Variants in ACTG1 observed in about 807,000 individuals in gnomAD.
ACTG1 encodes actin, cytoplasmic 2.
A neutral mutation model predicts 34.3 loss-of-function variants in ACTG1; 14 were observed. The ratio of observed to expected loss-of-function variants is 0.41; its 90% CI spans 0.27 to 0.64. ACTG1 has a LOEUF of 0.64. ACTG1 is among the 30% of genes least tolerant of loss of function. The pLI is 0.33. For missense variants in ACTG1, 233 were observed against 529.5 expected (o/e 0.44, Z 5.50); for synonymous variants, 422 against 213.9 (o/e 1.97, Z -8.49).
Position 81,510,441 on chromosome 17 carries a change from T to A in ACTG1, c.*249A>T. 1.6e-6 allele frequency: 1 copy of A among 631,246 alleles called. No individual in the cohort carries two copies. The highest frequency in any genetic ancestry group is 1.6e-5 in the South Asian group (1 of 64,148). The allele number at this position is 631,246 out of a possible 1,614,324, so 39.1% of individuals were successfully genotyped here. The stretch of plus-strand genomic sequence containing the variant: ...GTGACCAAGCCACACGTACTAAAGG[T>A]TGAACTCAAAGATATGTACAGGGTA... On this transcript the variant is annotated 3_prime_UTR_variant, in exon 6 of 6. Coordinates refer to ENST00000573283, the MANE Select transcript of ACTG1 (RefSeq NM_001614.5).
At chr17:81,511,138 C>T in intron 4 of ACTG1, 30 bp from the exon 5 acceptor site, 1 of 1,613,852 alleles carries the variant, frequency 6.2e-7, no homozygotes, top group Non-Finnish European at 8.5e-7. Context: ...CTTAGTGATG[C>T]TGTGTCACCG....
rs200210656 is a variant in ACTG1 at position 81,512,129 on chromosome 17, C to A, written c.137G>T (p.Gly46Val). The stretch of plus-strand genomic sequence containing the variant: ...CACGTAGGAGTCCTTCTGGCCCATG[C>A]CCACCATGACGCCCTGCAGGGGACG... ...GRPRHQGVMVGMGQKDSYVGD... is the reference protein window; with the variant it reads ...GRPRHQGVMVVMGQKDSYVGD... Residue 46 changes from glycine to valine, a missense_variant, in exon 3 of 6, where the codon GGC becomes GTC. Coordinates refer to ENST00000573283, the MANE Select transcript of ACTG1 (RefSeq NM_001614.5). 1 of 1,613,682 alleles carries A rather than the reference C, an allele frequency of 6.2e-7. No individual in the cohort carries two copies.
intron 1 of ACTG1, 122 bp from the exon 2 acceptor site, chr17:81,512,482 C>G (rs1048961610): frequency 4.6e-6 from 7 of 1,527,420 alleles, no homozygotes; most frequent in South Asian, 1.1e-5. Context: ...CCGTGGCCTC[C>G]AAGATCGCAA....
Position 81,510,197 on chromosome 17 carries a change from A to G in ACTG1, c.*493T>C. 1 of 538,630 alleles carries G rather than the reference A, an allele frequency of 1.9e-6. No individual in the cohort carries two copies. The highest frequency in any genetic ancestry group is 3.3e-6 in the Non-Finnish European group (1 of 303,734). The allele number at this position is 538,630 out of a possible 1,614,324, so 33.4% of individuals were successfully genotyped here. On this transcript the variant is annotated 3_prime_UTR_variant, in exon 6 of 6. Coordinates refer to ENST00000573283, the MANE Select transcript of ACTG1 (RefSeq NM_001614.5). Reference sequence around the variant, plus strand: ...ACAGCCCACGGTGTTCTGGCCAAAGACATCAGCTAAGAAAGGAAACTGGGT... The same window carrying G: ...ACAGCCCACGGTGTTCTGGCCAAAGGCATCAGCTAAGAAAGGAAACTGGGT...
Position 81,510,061 on chromosome 17 carries a change from T to C in ACTG1, c.*629A>G, listed in dbSNP as rs2031653388. The stretch of plus-strand genomic sequence containing the variant: ...CATAACAGTAGAAAACCAAAATTTG[T>C]TGTCATCTCTTCAAAGAATCGAGAA... On this transcript the variant is annotated 3_prime_UTR_variant, in exon 6 of 6. Transcript: ENST00000573283. 3 of 453,080 alleles carry C rather than the reference T, an allele frequency of 6.6e-6. No homozygotes were observed. The highest frequency in any genetic ancestry group is 4.7e-5 in the South Asian group (3 of 63,812). The allele number at this position is 453,080 out of a possible 1,614,324, so 28.1% of individuals were successfully genotyped here.
chr17:81,511,860 T>A (rs1340163425), intron 3 of ACTG1, 43 bp downstream of exon 3: 2 of 1,611,722 alleles, frequency 1.2e-6, no homozygotes, highest in African/African-American at 1.3e-5. Flanking sequence ...AGAAAATGAC[T>A]GGGGAAAGGA....
chr17:81,511,864 G>T (rs552858239), intron 3 of ACTG1, 39 bp downstream of exon 3: 31 of 1,612,612 alleles, frequency 1.9e-5, no homozygotes, highest in Non-Finnish European at 2.4e-5. Flanking sequence ...AATGACTGGG[G>T]AAAGGACGGG....
At position 81,511,525 on chromosome 17, in the gene ACTG1, A is replaced by G. The variant is rs11549227; in HGVS notation, c.465T>C (p.Ser155=). ...GCACCGTGTGGGTGACCCCGTCTCC[A>G]GAGTCCATGACAATGCCAGTGGTGC... ...SGRTTGIVMD[S]GDGVTHTVPI... Residue 155 remains serine (S), a synonymous_variant, in exon 4 of 6, where the codon TCT becomes TCC. Coordinates refer to ENST00000573283, the MANE Select transcript of ACTG1 (RefSeq NM_001614.5). 1 of 1,613,894 alleles carries G rather than the reference A, an allele frequency of 6.2e-7. No homozygotes were observed. Among genetic ancestry groups the G allele is most frequent in the Non-Finnish European group, 8.5e-7 (1 of 1,180,034 alleles).
Position 81,512,270 on chromosome 17 carries a change from C to A in ACTG1, c.85G>T (p.Ala29Ser), listed in dbSNP as rs782108009. 1 of 1,613,846 alleles carries A rather than the reference C, an allele frequency of 6.2e-7. No homozygotes were observed. Among genetic ancestry groups the A allele is most frequent in the Non-Finnish European group, 8.5e-7 (1 of 1,179,968 alleles). ...CGCCCGACGATGGAAGGAAACACGG[C>A]TCGGGGAGCGTCGTCCCCAGCAAAA... The part of the protein sequence containing the change: ...AGFAGDDAPR[A>S]VFPSIVGRPR... The change falls in exon 2 of 6, where the codon GCC becomes TCC. Residue 29 changes from alanine to serine, a missense_variant. Transcript: ENST00000573283.
At chr17:81,512,186 A>G (rs1555667168) in intron 2 of ACTG1, 44 bp from the exon 3 acceptor site, 3 of 1,612,540 alleles carry the variant, frequency 1.9e-6, no homozygotes, top group Admixed American at 1.7e-5. Flanking sequence ...CACCGAACCC[A>G]CCCCGCAACG....
At chr17:81,511,660 C>A in intron 3 of ACTG1, 34 bp from the exon 4 acceptor site, 1 of 1,600,876 alleles carries the variant, frequency 6.2e-7, no homozygotes, top group South Asian at 1.1e-5. Flanking sequence ...TAGTCAGGGA[C>A]AGAGACCCAC....
Position 81,512,013 on chromosome 17 carries a change from T to C in ACTG1, c.253A>G (p.Ile85Val). ...TCGTTGTAGAAGGTGTGGTGCCAGA[T>C]CTTCTCCATGTCGTCCCAGTTGGTG... Reference protein sequence around the residue: ...IVTNWDDMEKIWHHTFYNELR... With the variant: ...IVTNWDDMEKVWHHTFYNELR... Residue 85 changes from isoleucine to valine, a missense_variant, in exon 3 of 6, where the codon ATC (isoleucine) becomes GTC (valine). By Grantham distance (29) the Ile-to-Val change is conservative (BLOSUM62 3). Coordinates refer to ENST00000573283, the MANE Select transcript of ACTG1 (RefSeq NM_001614.5). 4.3e-6 allele frequency: 7 copies of C among 1,614,016 alleles called. No homozygotes were observed. Among genetic ancestry groups the C allele is most frequent in the Non-Finnish European group, 5.9e-6 (7 of 1,180,030 alleles).
chr17:81,511,163 G>GA (rs2031742544), intron 4 of ACTG1, 25 bp downstream of exon 4: 1 of 1,613,744 alleles, frequency 6.2e-7, no homozygotes, highest in East Asian at 2.2e-5. Context: ...TGTAAGAGTA[G>GA]AAACCTTTAG....
rs1555666470 is a variant in ACTG1, at chr17:81,510,956, C to T, written c.955G>A (p.Ala319Thr). ...IADRMQKEIT[A>T]LAPSTMKIKI... ...ATCTTCATGGTGCTGGGCGCCAGGGCGGTGATCTCCTTCTGCATCCTGTCG... is the reference window on the plus strand; with the variant it reads ...ATCTTCATGGTGCTGGGCGCCAGGGTGGTGATCTCCTTCTGCATCCTGTCG... Residue 319 changes from alanine (A) to threonine (T), a missense_variant, in exon 5 of 6, where the codon GCC (alanine) becomes ACC (threonine). By Grantham distance (58) the Ala-to-Thr change is moderately conservative. Transcript: ENST00000573283. The T allele has an allele frequency of 1.2e-6, 2 of 1,614,088 alleles. No individual in the cohort carries two copies. The highest frequency in any genetic ancestry group is 1.1e-5 in the South Asian group (1 of 91,086).
intron 4 of ACTG1, 38 bp downstream of exon 4, chr17:81,511,150 G>T: frequency 6.2e-7 from 1 of 1,613,774 alleles, no homozygotes; most frequent in Non-Finnish European, 8.5e-7. Flanking sequence ...GTGTCACCGA[G>T]GATGTAAGAG....
In ACTG1 at chr17:81,511,228, C is replaced by A. The variant is rs782163201; in HGVS notation, c.762G>T (p.Arg254=). Residue 254 remains arginine, a synonymous_variant, in exon 4 of 6, where the codon CGG becomes CGT. Transcript: ENST00000573283. The part of the protein sequence containing the change: ...DGQVITIGNE[R]FRCPEALFQP... Reference sequence around the variant, plus strand: ...GGAACAGCGCCTCCGGACACCGGAACCGCTCATTGCCAATGGTGATGACCT... The same window carrying A: ...GGAACAGCGCCTCCGGACACCGGAAACGCTCATTGCCAATGGTGATGACCT... 1 of 1,613,766 alleles carries A rather than the reference C, an allele frequency of 6.2e-7. No individual in the cohort carries two copies. The highest frequency in any genetic ancestry group is 1.1e-5 in the South Asian group (1 of 91,086).
intron 3 of ACTG1, 136 bp downstream of exon 3, chr17:81,511,767 A>G: frequency 6.5e-7 from 1 of 1,539,988 alleles, no homozygotes; most frequent in Non-Finnish European, 8.8e-7. Flanking sequence ...AGAAACCTGG[A>G]GGCTTCAGGG....
chr17:81,512,509 G>C, intron 1 of ACTG1, 149 bp from the exon 2 acceptor site: 1 of 1,332,136 alleles, frequency 7.5e-7, no homozygotes, highest in South Asian at 1.2e-5. Flanking sequence ...GGAACCGAAG[G>C]CCGGGCCTTT....
rs146667866 is a variant in ACTG1 at position 81,511,465 on chromosome 17, G to A, written c.525C>T (p.Ile175=). The change falls in exon 4 of 6, where the codon ATC becomes ATT. Residue 175 remains isoleucine, a synonymous_variant. Coordinates refer to ENST00000573283, the MANE Select transcript of ACTG1 (RefSeq NM_001614.5). The part of the protein sequence containing the change: ...IYEGYALPHA[I]LRLDLAGRDL... ...CCCGGCCAGCCAGGTCCAGACGCAG[G>A]ATGGCGTGGGGGAGGGCGTAGCCCT... is the stretch of plus-strand genomic sequence containing the variant. 6.2e-6 allele frequency: 10 copies of A among 1,613,822 alleles called. No homozygotes were observed. The African/African-American group carries it at 6.7e-5, about 11-fold the overall frequency.
Sources: gnomAD v4.1 joint callset for allele counts on GRCh38, gnomAD v4.1.1 for gene constraint, MANE v1.5 for transcripts, NCBI Gene and HGNC (gene_info 2026-07-23, HGNC 2026-07-21) for gene names.